HERC4: variants seen among roughly 807,000 people sequenced by gnomAD.
HERC4 encodes the protein HECT and RLD domain containing E3 ubiquitin protein ligase 4.
In HERC4, 28 loss-of-function variants were observed where a neutral mutation model predicts 124.3. The ratio of observed to expected loss-of-function variants is 0.23; its 90% confidence interval spans 0.17 to 0.31. The LOEUF is 0.31. Ranked by LOEUF, HERC4 falls within the 10% of genes least tolerant of loss-of-function variation. The pLI is 1.00. For synonymous variants in HERC4, 407 were observed against 421.5 expected, an observed-to-expected ratio of 0.97 and a Z score of 0.42; for missense variants, 713 against 1,229.3, an observed-to-expected ratio of 0.58 and a Z score of 6.28.
intron 7 of HERC4, among the ~76,000 whole-genome samples, chr10:68,026,619 G>A (rs908368207): frequency 6.6e-6 from 1 of 151,944 alleles, no homozygotes; most frequent in Non-Finnish European, 1.5e-5. Flanking sequence ...CGAGGCAGGT[G>A]GATCACGAGG....
At chr10:67,938,283 A>T (rs2032552137) in intron 21 of HERC4, among the ~76,000 whole-genome samples, 1 of 151,784 alleles carries the variant, frequency 6.6e-6, no homozygotes, top group African/African-American at 2.4e-5. Flanking sequence ...TCTACTAAAA[A>T]TACAAAAATT....
At chr10:68,069,266 T>C in intron 3 of HERC4, 4 of 956,770 alleles carry the variant, frequency 4.2e-6, no homozygotes, top group South Asian at 9.7e-5. Context: ...GAAGATTAAA[T>C]ATATTTGTTA....
At chr10:67,968,115 G>C (rs2035000647) in intron 15 of HERC4, among the ~76,000 whole-genome samples, 1 of 152,098 alleles carries the variant, frequency 6.6e-6, no homozygotes, top group Admixed American at 6.6e-5. Flanking sequence ...ACAAGTAGAG[G>C]ATAGAGCTCA....
intron 16 of HERC4, among the ~76,000 whole-genome samples, chr10:67,962,277 A>T (rs1041849395): frequency 1.3e-5 from 2 of 151,794 alleles, no homozygotes; most frequent in Admixed American, 1.3e-4. Flanking sequence ...TAACTATACT[A>T]TATACCAAGG....
chr10:67,978,604 G>A lies in HERC4; in HGVS notation c.1806+10059C>T, dbSNP rs929595877. Reference sequence around the variant, plus strand: ...CTTTGCCACCTGGTGATTGTAGAGCGCCAGCACCTTGAGTGAAGATAGTCA... The same window carrying A: ...CTTTGCCACCTGGTGATTGTAGAGCACCAGCACCTTGAGTGAAGATAGTCA... On this transcript the variant is annotated intron_variant, in intron 15 of 24. Coordinates refer to ENST00000373700, the MANE Select transcript of HERC4 (RefSeq NM_015601.4). Among the ~76,000 whole-genome samples the A allele has an allele frequency of 6.6e-5, 10 of 152,180 alleles. No homozygotes were observed. The East Asian group carries it at 1.2e-3, about 18-fold the overall frequency.
intron 15 of HERC4, 107 bp from the exon 16 acceptor site, chr10:67,966,909 C>G (rs2034902592): frequency 1.3e-6 from 1 of 745,728 alleles, no homozygotes; most frequent in Non-Finnish European, 2.0e-6. Context: ...GGCTGGAGTG[C>G]AGTGGCACAA....
intron 3 of HERC4, chr10:68,069,626 GCTAC>G (rs1312512642): frequency 1.4e-5 from 14 of 985,076 alleles, no homozygotes; most frequent in Admixed American, 6.1e-5. Context: ...CCTTAATAAG[GCTAC>G]CTCTTTCTCC....
Position 67,988,684 on chromosome 10 carries a change from C to T in HERC4, c.1785G>A (p.Lys595=). Residue 595 remains lysine (K), a synonymous_variant, in exon 15 of 25, where the codon AAG becomes AAA. Transcript: ENST00000373700. ...ATACCCTATGTAGTATTTCTAAAAC[C>T]TTTAATGCAGTATGAAGAAAACTGT... ...IFNSFLHTAL[K]VLEILHRVNE... is the part of the protein sequence containing the mutation. 6.3e-7 allele frequency: 1 copy of T among 1,585,104 alleles called. No homozygotes were observed. The highest frequency in any genetic ancestry group is 2.2e-5 in the East Asian group (1 of 44,550).
chr10:68,007,887 T>C (rs1036716361), intron 9 of HERC4: 1 of 152,818 alleles, frequency 6.5e-6, no homozygotes, highest in South Asian at 2.1e-4. Context: ...AGTCACCATA[T>C]TGATGTCGAA....
intron 16 of HERC4, 58 bp downstream of exon 16, chr10:67,966,625 T>C (rs749410210): frequency 6.6e-7 from 1 of 1,509,028 alleles, no homozygotes; most frequent in African/African-American, 1.4e-5. Flanking sequence ...CAATTGTTTC[T>C]TTTTTTATTA....
chr10:68,013,045 C>CAAAGCACAA (rs2038060582), intron 9 of HERC4, among the ~76,000 whole-genome samples: 1 of 152,134 alleles, frequency 6.6e-6, no homozygotes, highest in African/African-American at 2.4e-5. Context: ...CTTTACTGTG[C>CAAAGCACAA]TTCTCAGATA....
intron 23 of HERC4, among the ~76,000 whole-genome samples, chr10:67,928,002 G>A (rs1416646194): frequency 6.6e-6 from 1 of 152,168 alleles, no homozygotes; most frequent in Non-Finnish European, 1.5e-5. Context: ...TTTTAGATCA[G>A]TTATCCAGGG....
intron 21 of HERC4, among the ~76,000 whole-genome samples, chr10:67,937,812 G>A (rs1353076752): frequency 6.6e-6 from 1 of 151,424 alleles, no homozygotes; most frequent in African/African-American, 2.4e-5. Context: ...TCCCCGAGTA[G>A]CTGGTACTAC....
chr10:68,010,394 A>G lies in HERC4; in HGVS notation c.1069+3632T>C, dbSNP rs2037872934. 22 of 995,746 alleles carry G rather than the reference A, an allele frequency of 2.2e-5. No homozygotes were observed. The South Asian group carries it at 2.9e-4, about 13-fold the overall frequency. 61.7% of individuals were successfully genotyped at this position (995,746 alleles called of 1,614,324 possible). A position where few individuals can be genotyped will look rare whatever the true frequency, so the allele number is the denominator to read the frequency against. On this transcript the variant is annotated intron_variant, in intron 9 of 24. Coordinates refer to ENST00000373700, the MANE Select transcript of HERC4 (RefSeq NM_015601.4). ...GTGCCCCTGAGAAAGGAGACCCAGC[A>G]GCCTCAAAATCCTCTCATGGTGCAT... is the stretch of plus-strand genomic sequence containing the variant.
chr10:68,067,451 G>A (rs1043295837), intron 3 of HERC4, among the ~76,000 whole-genome samples: 1 of 152,182 alleles, frequency 6.6e-6, no homozygotes, highest in African/African-American at 2.4e-5. Context: ...AAAACGCAAT[G>A]AGCTTCTTTG....
intron 15 of HERC4, among the ~76,000 whole-genome samples, chr10:67,982,846 G>C (rs57903574): frequency 6.6e-6 from 1 of 151,980 alleles, no homozygotes; most frequent in East Asian, 1.9e-4. Context: ...CCAAACAGGC[G>C]GCAGGGTGCG....
intron 15 of HERC4, among the ~76,000 whole-genome samples, chr10:67,975,400 T>G (rs2035525738): frequency 1.3e-5 from 2 of 152,114 alleles, no homozygotes; most frequent in Admixed American, 6.5e-5. Flanking sequence ...ACTCATGCAT[T>G]CTATTTTTTT....
At chr10:67,990,436 A>G (rs1348078096) in intron 13 of HERC4, 36 bp from the exon 14 acceptor site, 1 of 1,262,288 alleles carries the variant, frequency 7.9e-7, no homozygotes, top group Middle Eastern at 2.0e-4. Context: ...TACTTCATTT[A>G]AAATGAATAC....
Position 67,992,334 on chromosome 10 carries a change from A to G in HERC4, c.1147-11T>C. ...TGGTGGCCCACAGTTCTAAATTTTC[A>G]AATAAGATTAGTCAGAGGGAAGAGA... is the stretch of plus-strand genomic sequence containing the variant. On this transcript the variant is annotated splice_polypyrimidine_tract_variant and intron_variant, in intron 10 of 24. Transcript: ENST00000373700. The G allele has an allele frequency of 2.5e-6, 4 of 1,612,670 alleles. No individual in the cohort carries two copies. Among genetic ancestry groups the G allele is most frequent in the Non-Finnish European group, 3.4e-6 (4 of 1,179,078 alleles).
Sources: gnomAD v4.1 joint callset for allele counts (sites outside exome capture counted in the v4.1 genomes callset) on GRCh38, gnomAD v4.1.1 for gene constraint, MANE v1.5 for transcripts, NCBI Gene and HGNC (gene_info 2026-07-23, HGNC 2026-07-21) for gene names.